Variants in EPB42 observed in about 807,000 individuals in gnomAD.
EPB42 encodes the protein erythrocyte membrane protein band 4.2, also known as protein 4.2.
EPB42 carries 49 observed loss-of-function variants against 76.9 expected under a neutral mutation model. The ratio of observed to expected loss-of-function variants is 0.64; its 90% CI spans 0.51 to 0.81. The LOEUF (loss-of-function observed/expected upper bound fraction) is 0.81. EPB42 is among the 30% of genes least tolerant of loss of function. The pLI, the probability that EPB42 is intolerant of heterozygous loss-of-function variation, is 0.00. For missense variants in EPB42, 731 were observed against 867.6 expected (o/e 0.84, Z 1.98); for synonymous variants, 310 against 338.4 (o/e 0.92, Z 0.92).
chr15:43,198,851 C>A (rs1021080117), intron 12 of EPB42, among the ~76,000 whole-genome samples: 1 of 152,192 alleles, frequency 6.6e-6, no homozygotes, highest in Non-Finnish European at 1.5e-5. Flanking sequence ...CCCAGCCACT[C>A]CAGCCATGGC....
intron 1 of EPB42, among the ~76,000 whole-genome samples, chr15:43,220,171 T>C (rs2042436332): frequency 6.6e-6 from 1 of 151,982 alleles, no homozygotes; most frequent in Non-Finnish European, 1.5e-5. Context: ...CTCTGCACCA[T>C]TTCCCTCTGC....
upstream of EPB42, among the ~76,000 whole-genome samples, chr15:43,221,278 T>C (rs1306373755): frequency 6.6e-6 from 1 of 152,172 alleles, no homozygotes; most frequent in Non-Finnish European, 1.5e-5. Flanking sequence ...AGGAGTCCCA[T>C]ATCCAACTCC....
intron 1 of EPB42, among the ~76,000 whole-genome samples, chr15:43,219,507 G>A (rs2042426631): frequency 6.6e-6 from 1 of 152,152 alleles, no homozygotes; most frequent in African/African-American, 2.4e-5. Context: ...TCATCTGGTG[G>A]CTACTGGGCC....
upstream of EPB42, among the ~76,000 whole-genome samples, chr15:43,225,628 G>A (rs532817843): frequency 1.3e-5 from 2 of 152,270 alleles, no homozygotes; most frequent in African/African-American, 4.8e-5. Context: ...TGCCACCAAG[G>A]AGCTTCTATT....
chr15:43,209,197 G>T, intron 6 of EPB42, 77 bp downstream of exon 6: 1 of 1,546,588 alleles, frequency 6.5e-7, no homozygotes, highest in Non-Finnish European at 8.9e-7. Flanking sequence ...ACCTGCTTTT[G>T]GAGATGTCCT....
chr15:43,212,394 G>GAA (rs371744098), intron 3 of EPB42, among the ~76,000 whole-genome samples: 6,517 of 140,342 alleles, frequency 0.046, 491 homozygotes, highest in African/African-American at 0.16. Flanking sequence ...AAAGAAAAAA[G>GAA]AAAAAAAAAA....
chr15:43,207,243 C>A lies in EPB42; in HGVS notation c.1274G>T (p.Ser425Ile). ...CTGAGTGATGTCCTCGCAGCGGTCA[C>A]TGCCCACACCCTTGGTGCTGATGTT... is the stretch of plus-strand genomic sequence containing the variant. ...GNNISTKGVG[S>I]DRCEDITQNY... Residue 425 changes from serine (S) to isoleucine (I), a missense_variant, in exon 9 of 13, where the codon AGT (serine) becomes ATT (isoleucine). Transcript: ENST00000441366. 6.2e-7 allele frequency: 1 copy of A among 1,614,130 alleles called. No individual in the cohort carries two copies. The highest frequency in any genetic ancestry group is 8.5e-7 in the Non-Finnish European group (1 of 1,179,974).
chr15:43,209,214 A>C (rs1043188472), intron 6 of EPB42, 60 bp downstream of exon 6: 1 of 1,596,058 alleles, frequency 6.3e-7, no homozygotes, highest in Non-Finnish European at 8.6e-7. Context: ...TCCTTCCCAC[A>C]TGGGAGGCCA....
At chr15:43,202,604 C>T (rs2042142812) in intron 11 of EPB42, among the ~76,000 whole-genome samples, 1 of 152,212 alleles carries the variant, frequency 6.6e-6, no homozygotes, top group African/African-American at 2.4e-5. Flanking sequence ...CCTAACTAAA[C>T]TATAACCTGC....
intron 1 of EPB42, chr15:43,220,577 C>A: frequency 1.3e-6 from 1 of 787,558 alleles, no homozygotes; most frequent in East Asian, 2.6e-5. Context: ...GCCTCCGCCT[C>A]CACCAGCACC....
chr15:43,211,243 C>T (rs563056064), intron 4 of EPB42, among the ~76,000 whole-genome samples, 173 bp downstream of exon 4: 1 of 152,112 alleles, frequency 6.6e-6, no homozygotes, highest in African/African-American at 2.4e-5. Context: ...TGGGAGCTCC[C>T]GGAGGATGTT....
At chr15:43,208,071 G>GC (rs2042232185) in intron 8 of EPB42, among the ~76,000 whole-genome samples, 159 bp downstream of exon 8, 1 of 152,170 alleles carries the variant, frequency 6.6e-6, no homozygotes, top group African/African-American at 2.4e-5. Flanking sequence ...GAGCCCACTG[G>GC]CATCAGGTCA....
intron 12 of EPB42, among the ~76,000 whole-genome samples, chr15:43,198,275 T>C (rs1321121053): frequency 6.6e-6 from 1 of 152,186 alleles, no homozygotes; most frequent in Non-Finnish European, 1.5e-5. Flanking sequence ...TCCTAGAGAC[T>C]TGTCGCATAG....
chr15:43,212,151 T>C (rs2042308445), intron 3 of EPB42, among the ~76,000 whole-genome samples: 2 of 152,102 alleles, frequency 1.3e-5, no homozygotes, highest in Non-Finnish European at 2.9e-5. Context: ...GTGGATCACC[T>C]GAGGTCAGGA....
At chr15:43,204,921 C>T (rs959382561) in intron 10 of EPB42, among the ~76,000 whole-genome samples, 3 of 150,578 alleles carry the variant, frequency 2.0e-5, no homozygotes, top group South Asian at 2.1e-4. Flanking sequence ...CCCAGATGAT[C>T]GGAGTCTCTG....
At position 43,197,270 on chromosome 15, in the gene EPB42, G is replaced by T. The variant is rs745436859; in HGVS notation, c.*32C>A. 3 of 1,613,992 alleles carry T rather than the reference G, an allele frequency of 1.9e-6. No individual in the cohort carries two copies. Among genetic ancestry groups the T allele is most frequent in the Non-Finnish European group, 8.5e-7 (1 of 1,179,870 alleles). ...GTTTGGTTTAGATTGTAGAACAAGGGTTGGCAGGAGAGTGGTGATAGAGCT... is the reference window on the plus strand; with the variant it reads ...GTTTGGTTTAGATTGTAGAACAAGGTTTGGCAGGAGAGTGGTGATAGAGCT... On this transcript the variant is annotated 3_prime_UTR_variant, in exon 13 of 13. Coordinates refer to ENST00000441366, the MANE Select transcript of EPB42 (RefSeq NM_001114134.2).
chr15:43,211,639 C>T, intron 3 of EPB42, 105 bp from the exon 4 acceptor site: 1 of 812,044 alleles, frequency 1.2e-6, no homozygotes, highest in Non-Finnish European at 2.2e-6. Context: ...CTGCAGGCCA[C>T]CCCGTCAGCT....
intron 12 of EPB42, among the ~76,000 whole-genome samples, chr15:43,198,755 C>T (rs1249993993): frequency 1.3e-5 from 2 of 152,148 alleles, no homozygotes; most frequent in Non-Finnish European, 2.9e-5. Context: ...ATCACAGGCC[C>T]GGAGGCTCAG....
intron 12 of EPB42, among the ~76,000 whole-genome samples, chr15:43,200,858 G>C (rs1012916721): frequency 6.9e-6 from 1 of 145,424 alleles, no homozygotes; most frequent in Non-Finnish European, 1.5e-5. Context: ...TCTTTCACCC[G>C]GGCTGGACTG....
Sources: gnomAD v4.1 joint callset for allele counts (sites outside exome capture counted in the v4.1 genomes callset) on GRCh38, gnomAD v4.1.1 for gene constraint, MANE v1.5 for transcripts, NCBI Gene and HGNC (gene_info 2026-07-23, HGNC 2026-07-21) for gene names.